Variants in FAM76A observed in about 807,000 individuals in gnomAD.
FAM76A encodes the protein family with sequence similarity 76 member A, also known as protein FAM76A.
FAM76A carries 32 observed loss-of-function variants against 46.2 expected under a neutral mutation model. That is an observed-to-expected ratio of 0.69 (90% CI 0.52 to 0.93). FAM76A has a LOEUF of 0.93. Among genes scored for constraint, FAM76A ranks in the 40% least tolerant of loss-of-function variants. The pLI is 0.00. For missense variants in FAM76A, 274 were observed against 361.5 expected (o/e 0.76, Z 1.96); for synonymous variants, 137 against 127.0 (o/e 1.08, Z -0.53).
intron 3 of FAM76A, among the ~76,000 whole-genome samples, 194 bp from the exon 4 acceptor site, chr1:27,733,837 G>A (rs2087998886): frequency 1.3e-5 from 2 of 151,632 alleles, no homozygotes; most frequent in Non-Finnish European, 2.9e-5. Context: ...GCAACAGAGC[G>A]AGACTCAAAA....
intron 1 of FAM76A, among the ~76,000 whole-genome samples, chr1:27,726,791 T>A (rs1571460775): frequency 6.6e-6 from 1 of 152,338 alleles, no homozygotes; most frequent in East Asian, 1.9e-4. Context: ...TAGCTGCTGA[T>A]CAGTTTTTGC....
chr1:27,749,450 TTC>T (rs2148582121), intron 6 of FAM76A, among the ~76,000 whole-genome samples: 1 of 152,288 alleles, frequency 6.6e-6, no homozygotes, highest in East Asian at 1.9e-4. Context: ...TCACTGCAAC[TTC>T]TGTCTCCTGG....
chr1:27,740,615 T>C, intron 4 of FAM76A: 1 of 714,716 alleles, frequency 1.4e-6, no homozygotes, highest in Non-Finnish European at 2.3e-6. Flanking sequence ...TCAAAAACAT[T>C]CTCTTGATCA....
At chr1:27,745,111 T>G (rs1332265347) in intron 5 of FAM76A, among the ~76,000 whole-genome samples, 1 of 152,188 alleles carries the variant, frequency 6.6e-6, no homozygotes, top group African/African-American at 2.4e-5. Flanking sequence ...AATTGGACAT[T>G]TCACTTTCTG....
At chr1:27,748,120 GTTT>G (rs775627660) in intron 5 of FAM76A, among the ~76,000 whole-genome samples, 4 of 108,342 alleles carry the variant, frequency 3.7e-5, no homozygotes, top group Non-Finnish European at 3.5e-5. Flanking sequence ...TGTAAAAGAA[GTTT>G]TTTTTTTTTT....
chr1:27,750,102 G>A (rs570790533), intron 6 of FAM76A, among the ~76,000 whole-genome samples: 2 of 152,166 alleles, frequency 1.3e-5, no homozygotes, highest in East Asian at 1.9e-4. Context: ...CACTTCCTGC[G>A]ATCTTTGAAA....
Position 27,727,516 on chromosome 1 carries a change from G to A in FAM76A, c.126G>A (p.Arg42=), listed in dbSNP as rs1217835513. 1.2e-6 allele frequency: 2 copies of A among 1,613,600 alleles called. No homozygotes were observed. Among genetic ancestry groups the A allele is most frequent in the African/African-American group, 1.3e-5 (1 of 74,912 alleles). ...AHPVVKCTYC[R]TEYQQESKTN... is the part of the protein sequence containing the mutation. ...CTGTTGTGAAGTGCACCTACTGCAGGACTGAGTACCAGCAGGAGAGGTAGA... is the reference window on the plus strand; with the variant it reads ...CTGTTGTGAAGTGCACCTACTGCAGAACTGAGTACCAGCAGGAGAGGTAGA... Residue 42 remains arginine, a synonymous_variant, in exon 2 of 9, where the codon AGG becomes AGA. Coordinates refer to ENST00000373954, the MANE Select transcript of FAM76A (RefSeq NM_152660.3).
intron 5 of FAM76A, among the ~76,000 whole-genome samples, chr1:27,746,494 G>A (rs1333137703): frequency 1.3e-5 from 2 of 152,242 alleles, no homozygotes; most frequent in East Asian, 1.9e-4. Flanking sequence ...AGGCCAAGGC[G>A]GGCGCATCAC....
chr1:27,759,404 A>C (rs1315958094), intron 7 of FAM76A, 122 bp from the exon 8 acceptor site: 1 of 578,484 alleles, frequency 1.7e-6, no homozygotes, highest in Non-Finnish European at 3.1e-6. Flanking sequence ...GTTTTGATTT[A>C]GATACGGATC....
chr1:27,733,447 C>G (rs12022017), intron 3 of FAM76A, among the ~76,000 whole-genome samples: 19,170 of 152,174 alleles, frequency 0.13, 2,979 homozygotes, highest in African/African-American at 0.36. Flanking sequence ...TGTTGCATGT[C>G]TCATAGAAGT....
intron 3 of FAM76A, among the ~76,000 whole-genome samples, chr1:27,732,889 G>T: frequency 6.6e-6 from 1 of 151,806 alleles, no homozygotes; most frequent in South Asian, 2.1e-4. Flanking sequence ...AGGCTTCAGT[G>T]ACCAGTATGG....
intron 7 of FAM76A, among the ~76,000 whole-genome samples, chr1:27,755,785 G>C (rs2088401092): frequency 6.6e-6 from 1 of 152,100 alleles, no homozygotes; most frequent in Non-Finnish European, 1.5e-5. Flanking sequence ...ATGTTGCCCA[G>C]ACTGGTCTTG....
intron 4 of FAM76A, chr1:27,740,737 G>A (rs867658566): frequency 2.5e-6 from 1 of 404,334 alleles, no homozygotes; most frequent in Middle Eastern, 7.1e-4. Flanking sequence ...GCTTTTCTGA[G>A]CAATTATTCA....
At chr1:27,745,745 T>C (rs1197688252) in intron 5 of FAM76A, among the ~76,000 whole-genome samples, 4 of 152,170 alleles carry the variant, frequency 2.6e-5, no homozygotes, top group African/African-American at 9.7e-5. Flanking sequence ...AGCTAGATCT[T>C]AGGACGAGTT....
chr1:27,726,986 C>T (rs2087872104), intron 1 of FAM76A, among the ~76,000 whole-genome samples: 1 of 152,096 alleles, frequency 6.6e-6, no homozygotes, highest in Admixed American at 6.6e-5. Flanking sequence ...TCACTTTTGC[C>T]TCAGATGGTC....
At chr1:27,760,052 C>T (rs1458583536) in intron 8 of FAM76A, 9 of 454,570 alleles carry the variant, frequency 2.0e-5, no homozygotes, top group Admixed American at 4.7e-5. Context: ...GGATTACAGG[C>T]GTGAGCCACC....
At chr1:27,749,178 C>T (rs745484614) in intron 6 of FAM76A, 24 bp downstream of exon 6, 10 of 1,517,930 alleles carry the variant, frequency 6.6e-6, no homozygotes, top group African/African-American at 1.4e-5. Flanking sequence ...AGTATGTGTG[C>T]GCACACATTT....
chr1:27,740,298 A>G (rs1024678717), intron 4 of FAM76A: 3 of 834,966 alleles, frequency 3.6e-6, no homozygotes, highest in Non-Finnish European at 6.2e-6. Flanking sequence ...TGGCCTTACC[A>G]TCAAACCAGG....
Position 27,761,839 on chromosome 1 carries a change from C to G in FAM76A, c.*1258C>G, listed in dbSNP as rs2088514218. ...ATTAGCCGGGCCTGGTGGCATGCAC[C>G]TGTAATCCCAGCTACCCAGGAGGCT... On this transcript the variant is annotated 3_prime_UTR_variant, in exon 9 of 9. Transcript: ENST00000373954. 6.6e-6 allele frequency: 1 copy of G among 152,040 alleles called. No homozygotes were observed. The highest frequency in any genetic ancestry group is 6.6e-5 in the Admixed American group (1 of 15,224). The allele number at this position is 152,040 out of a possible 1,614,324, so 9.4% of individuals were successfully genotyped here.
Sources: gnomAD v4.1 joint callset for allele counts (sites outside exome capture counted in the v4.1 genomes callset) on GRCh38, gnomAD v4.1.1 for gene constraint, MANE v1.5 for transcripts, NCBI Gene and HGNC (gene_info 2026-07-23, HGNC 2026-07-21) for gene names.